Variants in MACROH2A1 observed in about 807,000 individuals in gnomAD.
The protein encoded by MACROH2A1 is core histone macro-H2A.1.
Under a neutral mutation model 31.6 loss-of-function variants are expected in MACROH2A1, and 2 were observed. The observed-to-expected ratio is 0.06, with a 90% CI of 0.03 to 0.20. The LOEUF (loss-of-function observed/expected upper bound fraction) is 0.20, where lower values mean the gene tolerates loss of function less well. Among genes scored for constraint, MACROH2A1 ranks in the 10% least tolerant of loss-of-function variants. The probability of loss-of-function intolerance (pLI) is 1.00; values close to 1 mark genes in which losing one functional copy is unlikely to be tolerated. For synonymous variants in MACROH2A1, 169 were observed against 189.6 expected (o/e 0.89, Z 0.89); for missense variants, 230 against 474.0 (o/e 0.49, Z 4.78).
chr5:135,389,219 C>T (rs1766857769), intron 1 of MACROH2A1, 93 bp from the exon 2 acceptor site: 1 of 898,236 alleles, frequency 1.1e-6, no homozygotes, highest in African/African-American at 1.7e-5. Flanking sequence ...GGCCCCAGGC[C>T]TGCCTGCAGA....
At chr5:135,339,742 T>A (rs1375932479) in intron 8 of MACROH2A1, among the ~76,000 whole-genome samples, 1 of 152,208 alleles carries the variant, frequency 6.6e-6, no homozygotes, top group African/African-American at 2.4e-5. Context: ...ACAGGCCACT[T>A]TGATCCAAGT....
At chr5:135,396,522 C>T (rs1427998472) in intron 1 of MACROH2A1, among the ~76,000 whole-genome samples, 1 of 152,134 alleles carries the variant, frequency 6.6e-6, no homozygotes, top group African/African-American at 2.4e-5. Context: ...GACCTCTGTT[C>T]TTTTCTTCTA....
At chr5:135,370,309 C>T (rs1339373742) in intron 2 of MACROH2A1, among the ~76,000 whole-genome samples, 167 bp from the exon 3 acceptor site, 1 of 152,190 alleles carries the variant, frequency 6.6e-6, no homozygotes, top group Non-Finnish European at 1.5e-5. Flanking sequence ...AATGGCAAAG[C>T]TGAGTGGGAC....
intron 6 of MACROH2A1, chr5:135,351,442 G>A (rs1761525685): frequency 6.6e-6 from 1 of 151,306 alleles, no homozygotes; most frequent in South Asian, 2.1e-4. Context: ...GATATATGTA[G>A]AGGACTGCCT....
intron 5 of MACROH2A1, chr5:135,357,365 A>C (rs1762298709): frequency 6.6e-6 from 1 of 152,166 alleles, no homozygotes; most frequent in Non-Finnish European, 1.5e-5. Flanking sequence ...CTGATGCTTC[A>C]ACTTCAAGAG....
chr5:135,372,659 A>C (rs998251351), intron 2 of MACROH2A1, among the ~76,000 whole-genome samples: 11 of 152,150 alleles, frequency 7.2e-5, no homozygotes, highest in Non-Finnish European at 1.5e-4. Flanking sequence ...TGGGCGGGAG[A>C]GCACATCCGT....
chr5:135,397,701 A>T (rs1768211054), intron 1 of MACROH2A1, among the ~76,000 whole-genome samples: 1 of 152,226 alleles, frequency 6.6e-6, no homozygotes, highest in Non-Finnish European at 1.5e-5. Flanking sequence ...AACTCTAGTT[A>T]AATGTGTACA....
chr5:135,376,439 A>G (rs1246417871), intron 2 of MACROH2A1, among the ~76,000 whole-genome samples: 1 of 152,210 alleles, frequency 6.6e-6, no homozygotes, highest in Non-Finnish European at 1.5e-5. Flanking sequence ...AACACAGGGG[A>G]GCTATGATTC....
intron 8 of MACROH2A1, among the ~76,000 whole-genome samples, chr5:135,342,909 G>A (rs536940687): frequency 8.5e-5 from 13 of 152,250 alleles, no homozygotes; most frequent in East Asian, 3.9e-4. Flanking sequence ...CAAGCTGTTC[G>A]TTTGTATCCC....
At chr5:135,337,591 C>G (rs1282519734) in intron 8 of MACROH2A1, among the ~76,000 whole-genome samples, 2 of 152,272 alleles carry the variant, frequency 1.3e-5, no homozygotes, top group African/African-American at 2.4e-5. Context: ...TAGCCTGCAT[C>G]AGAATTCTGG....
chr5:135,334,969 G>A lies in MACROH2A1; in HGVS notation c.*7C>T, dbSNP rs1400512022. 3.7e-6 allele frequency: 6 copies of A among 1,611,328 alleles called. No homozygotes were observed. The South Asian group carries it at 5.5e-5, about 15-fold the overall frequency. ...ACATGGTGCAGCTGGTTCTGTCATT[G>A]CTCAGCCTAGTTGGCGTCCAGCTTG... On this transcript the variant is annotated 3_prime_UTR_variant, in exon 9 of 9. Coordinates refer to ENST00000511689, the MANE Select transcript of MACROH2A1 (RefSeq NM_138610.3).
At chr5:135,360,911 A>C (rs926947503) in intron 4 of MACROH2A1, 5 of 489,746 alleles carry the variant, frequency 1.0e-5, no homozygotes, top group African/African-American at 7.9e-5. Flanking sequence ...GACCAAGTAA[A>C]TGTCTCTTAA....
At chr5:135,381,132 T>A (rs929292910) in intron 2 of MACROH2A1, among the ~76,000 whole-genome samples, 1 of 152,212 alleles carries the variant, frequency 6.6e-6, no homozygotes, top group African/African-American at 2.4e-5. Context: ...AGGAAAAAGA[T>A]GAAATATTCA....
chr5:135,385,018 G>A (rs115497530), intron 2 of MACROH2A1, among the ~76,000 whole-genome samples: 57 of 152,322 alleles, frequency 3.7e-4, no homozygotes, highest in African/African-American at 1.3e-3. Flanking sequence ...TGGCACTGCA[G>A]CTCAGCAGTC....
chr5:135,352,494 C>T (rs922473640), intron 6 of MACROH2A1, among the ~76,000 whole-genome samples: 5 of 152,196 alleles, frequency 3.3e-5, no homozygotes, highest in Non-Finnish European at 7.3e-5. Flanking sequence ...AAATTGTGGA[C>T]TAAAGACAGC....
chr5:135,358,703 A>T, intron 5 of MACROH2A1: 1 of 929,728 alleles, frequency 1.1e-6, no homozygotes, highest in Non-Finnish European at 1.3e-6. Context: ...ACATTAAATG[A>T]TATGTTTGTA....
chr5:135,355,120 G>A (rs910241347), intron 5 of MACROH2A1: 2 of 455,942 alleles, frequency 4.4e-6, no homozygotes, highest in African/African-American at 4.0e-5. Flanking sequence ...GCTTCAGCTA[G>A]CCAGGAAGAC....
chr5:135,350,964 C>G, intron 6 of MACROH2A1: 1 of 1,239,268 alleles, frequency 8.1e-7, no homozygotes, highest in Non-Finnish European at 1.2e-6. Context: ...GAGACCCACG[C>G]ACAGGCACAT....
At chr5:135,373,040 G>A (rs1764384668) in intron 2 of MACROH2A1, among the ~76,000 whole-genome samples, 2 of 152,196 alleles carry the variant, frequency 1.3e-5, no homozygotes, top group Non-Finnish European at 1.5e-5. Context: ...GAAGGAGAAT[G>A]CCCACAGTGG....
Sources: allele counts gnomAD v4.1 joint callset (sites outside exome capture counted in the v4.1 genomes callset), GRCh38; gene constraint gnomAD v4.1.1; transcripts MANE v1.5; gene names NCBI Gene and HGNC (gene_info 2026-07-23, HGNC 2026-07-21).